Variants in WAPL observed in about 807,000 individuals in gnomAD.
The protein encoded by WAPL is wings apart-like protein homolog.
WAPL carries 5 observed loss-of-function variants against 121.0 expected under a neutral mutation model. The observed-to-expected ratio is 0.04, with a 90% CI of 0.02 to 0.09. The LOEUF is 0.09. Among genes scored for constraint, WAPL ranks in the 10% least tolerant of loss-of-function variants. The probability of loss-of-function intolerance (pLI) is 1.00; values close to 1 mark genes in which losing one functional copy is unlikely to be tolerated. For missense variants in WAPL, 999 were observed against 1,410.8 expected, an observed-to-expected ratio of 0.71 and a Z score of 4.68; for synonymous variants, 480 against 481.5, an observed-to-expected ratio of 1.00 and a Z score of 0.04.
chr10:86,506,744 C>T (rs1842358192), intron 2 of WAPL, among the ~76,000 whole-genome samples: 1 of 151,916 alleles, frequency 6.6e-6, no homozygotes, highest in East Asian at 2.0e-4. Flanking sequence ...GAGCAATGAT[C>T]GCACCACTGC....
chr10:86,485,012 C>T (rs1461963574), intron 4 of WAPL, among the ~76,000 whole-genome samples: 1 of 152,046 alleles, frequency 6.6e-6, no homozygotes, highest in South Asian at 2.1e-4. Flanking sequence ...CAGGCACACA[C>T]GCATGTGCGT....
chr10:86,462,839 T>C (rs1841316954), intron 9 of WAPL, among the ~76,000 whole-genome samples: 1 of 151,770 alleles, frequency 6.6e-6, no homozygotes, highest in African/African-American at 2.4e-5. Context: ...CAAAGAGTAA[T>C]TTAGACTGGT....
At chr10:86,460,965 G>A (rs966390492) in intron 10 of WAPL, among the ~76,000 whole-genome samples, 1 of 152,124 alleles carries the variant, frequency 6.6e-6, no homozygotes, top group Non-Finnish European at 1.5e-5. Context: ...CGCCCGCCTT[G>A]GCCTCCCAAA....
At chr10:86,439,129 A>C (rs1295132565) in intron 17 of WAPL, among the ~76,000 whole-genome samples, 1 of 152,200 alleles carries the variant, frequency 6.6e-6, no homozygotes, top group Non-Finnish European at 1.5e-5. Context: ...GGGGCAAAAA[A>C]GGAGAGATGA....
chr10:86,519,867 CT>C (rs1842638181), intron 1 of WAPL, among the ~76,000 whole-genome samples: 1 of 152,218 alleles, frequency 6.6e-6, no homozygotes, highest in Admixed American at 6.5e-5. Context: ...AAAATCTAGA[CT>C]TGAGTTCCTT....
chr10:86,487,362 A>G (rs1172688950), intron 4 of WAPL, among the ~76,000 whole-genome samples: 1 of 152,222 alleles, frequency 6.6e-6, no homozygotes, highest in African/African-American at 2.4e-5. Flanking sequence ...AACCTTACCT[A>G]GAAACAATAG....
In WAPL at chr10:86,453,683, C is replaced by A; in HGVS notation, c.2806G>T (p.Val936Leu). Residue 936 changes from valine (V) to leucine (L), a missense_variant, in exon 13 of 19, where the codon GTG becomes TTG. By Grantham distance (32) the Val-to-Leu change is conservative (BLOSUM62 1). Coordinates refer to ENST00000298767, the MANE Select transcript of WAPL (RefSeq NM_015045.5). Reference sequence around the variant, plus strand: ...TTATCATTAGTTAAATTAAGCAACACCCCGATGATGGCCCTCATGCAGTCC... The same window carrying A: ...TTATCATTAGTTAAATTAAGCAACAACCCGATGATGGCCCTCATGCAGTCC... ...VEDCMRAIIG[V>L]LLNLTNDNEW... The A allele has an allele frequency of 6.2e-7, 1 of 1,608,376 alleles. No individual in the cohort carries two copies. Among genetic ancestry groups the A allele is most frequent in the Non-Finnish European group, 8.5e-7 (1 of 1,178,750 alleles).
rs1842228636 is a variant in WAPL at position 86,500,554 on chromosome 10, C to T, written c.689G>A (p.Gly230Glu). ...TTCAAACAAACCAGTTCTAACAGAT[C>T]CCTTGATTGGAGATATTTCTGATGG... is the stretch of plus-strand genomic sequence containing the variant. ...ESPSEISPIKGSVRTGLFEWD... is the reference protein window; with the variant it reads ...ESPSEISPIKESVRTGLFEWD... Residue 230 changes from glycine (G) to glutamate (E), a missense_variant, in exon 3 of 19, where the codon GGA (glycine) becomes GAA (glutamate). By Grantham distance (98) the Gly-to-Glu change is moderately conservative. Transcript: ENST00000298767. 6.2e-7 allele frequency: 1 copy of T among 1,614,060 alleles called. No homozygotes were observed. The highest frequency in any genetic ancestry group is 2.2e-5 in the East Asian group (1 of 44,874).
At chr10:86,454,406 C>T (rs528975360) in intron 12 of WAPL, among the ~76,000 whole-genome samples, 16 of 152,338 alleles carry the variant, frequency 1.1e-4, no homozygotes, top group Middle Eastern at 6.8e-3. Context: ...CCTCTCTCTC[C>T]ACGGTCTCCC....
intron 4 of WAPL, among the ~76,000 whole-genome samples, chr10:86,487,324 A>T (rs1465315756): frequency 6.6e-6 from 1 of 152,188 alleles, no homozygotes; most frequent in Non-Finnish European, 1.5e-5. Flanking sequence ...TTCATGAACG[A>T]AAGTACCAAG....
At chr10:86,502,332 A>C (rs2132222851) in intron 2 of WAPL, among the ~76,000 whole-genome samples, 1 of 152,350 alleles carries the variant, frequency 6.6e-6, no homozygotes, top group African/African-American at 2.4e-5. Flanking sequence ...CTAAGGGATA[A>C]GGAACAAGAA....
intron 4 of WAPL, chr10:86,488,500 G>A (rs1368967304): frequency 1.3e-5 from 2 of 152,244 alleles, no homozygotes; most frequent in Middle Eastern, 6.3e-3. Context: ...AGATTAGCAT[G>A]ACCCCTGCAC....
At chr10:86,519,103 C>G (rs115000167) in intron 1 of WAPL, among the ~76,000 whole-genome samples, 2 of 151,362 alleles carry the variant, frequency 1.3e-5, no homozygotes, top group African/African-American at 2.4e-5. Context: ...AATGGCAAAT[C>G]GATTCACCTG....
intron 4 of WAPL, among the ~76,000 whole-genome samples, chr10:86,489,595 G>A (rs957322471): frequency 6.6e-6 from 1 of 152,162 alleles, no homozygotes; most frequent in South Asian, 2.1e-4. Flanking sequence ...AGGCAAGAGG[G>A]GGGTGCTATT....
In WAPL at chr10:86,497,311, C is replaced by A; in HGVS notation, c.1534G>T (p.Asp512Tyr). The A allele has an allele frequency of 6.2e-7, 1 of 1,606,248 alleles. No individual in the cohort carries two copies. The highest frequency in any genetic ancestry group is 8.5e-7 in the Non-Finnish European group (1 of 1,178,142). Residue 512 changes from aspartate (D) to tyrosine (Y), a missense_variant, in exon 4 of 19, where the codon GAT becomes TAT. By Grantham distance (160) the Asp-to-Tyr change is radical (BLOSUM62 -3). Transcript: ENST00000298767. The stretch of plus-strand genomic sequence containing the variant: ...ACACCAGGCAAGTCCTCTGTAAAAT[C>A]CAAGTTTTCTGAAATGGTAATCAAA... ...QSGTNNAENL[D>Y]FTEDLPGVPE...
In WAPL at chr10:86,499,730, T is replaced by C. The variant is rs1427642881; in HGVS notation, c.1513A>G (p.Thr505Ala). 8.9e-6 allele frequency: 14 copies of C among 1,580,032 alleles called. No individual in the cohort carries two copies. Among genetic ancestry groups the C allele is most frequent in the Non-Finnish European group, 1.2e-5 (14 of 1,168,972 alleles). ...NDNSQDSQSGTNNAENLDFTE... is the reference protein window; with the variant it reads ...NDNSQDSQSGANNAENLDFTE... The stretch of plus-strand genomic sequence containing the variant: ...TTTAAATTCTTACCTGCATTGTTAG[T>C]ACCAGACTGACTGTCCTGGGAATTA... The change falls in exon 3 of 19, where the codon ACT becomes GCT. Residue 505 changes from threonine (T) to alanine (A), a missense_variant. Thr to Ala is a moderately conservative substitution (Grantham distance 58). Transcript: ENST00000298767.
chr10:86,490,076 T>C (rs1842012769), intron 4 of WAPL, among the ~76,000 whole-genome samples: 1 of 151,886 alleles, frequency 6.6e-6, no homozygotes, highest in Non-Finnish European at 1.5e-5. Context: ...TAGCCGGGCA[T>C]GGTGGTGCAC....
intron 16 of WAPL, among the ~76,000 whole-genome samples, chr10:86,445,089 C>T (rs1849574349): frequency 6.6e-6 from 1 of 152,184 alleles, no homozygotes; most frequent in Non-Finnish European, 1.5e-5. Context: ...CGTCCCTCTG[C>T]ATCCAAGGGG....
chr10:86,500,502 T>A lies in WAPL; in HGVS notation c.741A>T (p.Arg247Ser). The A allele has an allele frequency of 1.2e-6, 2 of 1,614,204 alleles. No homozygotes were observed. Among genetic ancestry groups the A allele is most frequent in the Non-Finnish European group, 1.7e-6 (2 of 1,180,040 alleles). ...CCAAACTTAAAATACAGTCTTCTGATCTGATATCTTCAAAATCATTATCCC... is the reference window on the plus strand; with the variant it reads ...CCAAACTTAAAATACAGTCTTCTGAACTGATATCTTCAAAATCATTATCCC... ...FEWDNDFEDI[R>S]SEDCILSLDS... The change falls in exon 3 of 19, where the codon AGA (arginine) becomes AGT (serine). Residue 247 changes from arginine (R) to serine (S), a missense_variant. Arg to Ser is a moderately radical substitution (Grantham distance 110). Coordinates refer to ENST00000298767, the MANE Select transcript of WAPL (RefSeq NM_015045.5).
Sources: allele counts gnomAD v4.1 joint callset (sites outside exome capture counted in the v4.1 genomes callset), GRCh38; gene constraint gnomAD v4.1.1; transcripts MANE v1.5; gene names NCBI Gene and HGNC (gene_info 2026-07-23, HGNC 2026-07-21).